CCDC167: variants seen among roughly 807,000 people sequenced by gnomAD.
CCDC167 encodes coiled-coil domain containing 167, also known as coiled-coil domain-containing protein 167.
Under a neutral mutation model 12.7 loss-of-function variants are expected in CCDC167, and 15 were observed. That is an observed-to-expected ratio of 1.18 (90% CI 0.79 to 1.81). CCDC167 has a LOEUF of 1.81. Ranked by LOEUF, CCDC167 falls within the 40% of genes most tolerant of loss-of-function variation. The pLI is 0.00. For synonymous variants in CCDC167, 52 were observed against 49.0 expected (o/e 1.06, Z -0.26); for missense variants, 121 against 120.1 (o/e 1.01, Z -0.03).
intron 1 of CCDC167, among the ~76,000 whole-genome samples, chr6:37,486,549 C>T (rs1761945458): frequency 6.6e-6 from 1 of 152,192 alleles, no homozygotes; most frequent in Non-Finnish European, 1.5e-5. Context: ...GGAGGCCTGG[C>T]AATGACACAC....
Position 37,483,098 on chromosome 6 carries a change from C to G in CCDC167, c.*88G>C, listed in dbSNP as rs765130399. On this transcript the variant is annotated 3_prime_UTR_variant, in exon 4 of 4. Transcript: ENST00000373408. Reference sequence around the variant, plus strand: ...GGTTGGGAGGGGAACACCCCAGCACCTTGGTCCTATTGAGGCTTGAAGTGC... The same window carrying G: ...GGTTGGGAGGGGAACACCCCAGCACGTTGGTCCTATTGAGGCTTGAAGTGC... The G allele has an allele frequency of 7.7e-6, 8 of 1,036,776 alleles. No individual in the cohort carries two copies. The highest frequency in any genetic ancestry group is 5.2e-5 in the Admixed American group (3 of 57,240). 64.2% of individuals were successfully genotyped at this position (1,036,776 alleles called of 1,614,324 possible). A position where few individuals can be genotyped will look rare whatever the true frequency, so the allele number is the denominator to read the frequency against.
chr6:37,485,883 G>T (rs1021296007), intron 1 of CCDC167, among the ~76,000 whole-genome samples: 54 of 152,316 alleles, frequency 3.5e-4, no homozygotes, highest in African/African-American at 1.1e-3. Flanking sequence ...TAAGGTATCT[G>T]TTTTTTCCAT....
intron 1 of CCDC167, among the ~76,000 whole-genome samples, chr6:37,498,303 T>C (rs931649): frequency 0.77 from 117,333 of 152,004 alleles, 46,015 homozygotes; most frequent in Middle Eastern, 0.92. Flanking sequence ...TTGAAGCCAC[T>C]GAGTTTTGGA....
chr6:37,487,482 C>T (rs1192582191), intron 1 of CCDC167, among the ~76,000 whole-genome samples: 1 of 152,230 alleles, frequency 6.6e-6, no homozygotes, highest in South Asian at 2.1e-4. Flanking sequence ...GGAGAAGCAA[C>T]TAGACATGCA....
intron 1 of CCDC167, among the ~76,000 whole-genome samples, chr6:37,494,248 A>G (rs777963597): frequency 3.3e-5 from 5 of 151,904 alleles, no homozygotes; most frequent in Non-Finnish European, 7.4e-5. Flanking sequence ...TATTTTTAGT[A>G]GATGGGGTTT....
intron 1 of CCDC167, among the ~76,000 whole-genome samples, chr6:37,488,504 G>C (rs1431605729): frequency 1.3e-5 from 2 of 152,242 alleles, no homozygotes; most frequent in African/African-American, 4.8e-5. Flanking sequence ...GACCAGGAGA[G>C]AAGATGTGGG....
At chr6:37,488,320 G>A (rs142000698) in intron 1 of CCDC167, among the ~76,000 whole-genome samples, 27 of 152,322 alleles carry the variant, frequency 1.8e-4, no homozygotes, top group African/African-American at 6.5e-4. Context: ...AAAGGTGGGA[G>A]AGGACCCAGA....
At chr6:37,491,627 G>A (rs1317674399) in intron 1 of CCDC167, among the ~76,000 whole-genome samples, 2 of 152,170 alleles carry the variant, frequency 1.3e-5, no homozygotes, top group African/African-American at 2.4e-5. Flanking sequence ...GCCGAGCCAA[G>A]TCACAGAGTC....
At chr6:37,495,543 C>G (rs1402206220) in intron 1 of CCDC167, among the ~76,000 whole-genome samples, 1 of 152,174 alleles carries the variant, frequency 6.6e-6, no homozygotes, top group Non-Finnish European at 1.5e-5. Context: ...ATCTCAGAAG[C>G]TAAAACTCAC....
At chr6:37,491,396 C>T (rs570947814) in intron 1 of CCDC167, among the ~76,000 whole-genome samples, 1 of 152,284 alleles carries the variant, frequency 6.6e-6, no homozygotes, top group South Asian at 2.1e-4. Context: ...GCAGAAGGCA[C>T]CCCCGGGGCC....
intron 1 of CCDC167, among the ~76,000 whole-genome samples, chr6:37,494,042 G>A (rs180896159): frequency 3.3e-4 from 49 of 147,872 alleles, no homozygotes; most frequent in South Asian, 8.6e-4. Flanking sequence ...ACTTCTCATG[G>A]TCAGTGATCC....
chr6:37,498,512 T>G (rs1762125472), intron 1 of CCDC167, among the ~76,000 whole-genome samples: 1 of 119,418 alleles, frequency 8.4e-6, no homozygotes, highest in Admixed American at 9.4e-5. Context: ...TGTGTGTGGC[T>G]TGTAAAAAAA....
Position 37,489,001 on chromosome 6 carries a change from A to G in CCDC167, c.43-3807T>C, listed in dbSNP as rs553609800. On this transcript the variant is annotated intron_variant, in intron 1 of 3. Coordinates refer to ENST00000373408, the MANE Select transcript of CCDC167 (RefSeq NM_138493.3). The stretch of plus-strand genomic sequence containing the variant: ...GCCTGTAATTCCAGCACCTTGGGAG[A>G]CCAAGGTGGGCGGATCACGAGGTCA... Among the ~76,000 whole-genome samples, 5 of 151,954 alleles carry G rather than the reference A, an allele frequency of 3.3e-5. No individual in the cohort carries two copies. The South Asian group carries it at 1.0e-3, about 32-fold the overall frequency.
rs138597717 is a variant in CCDC167 at position 37,486,383 on chromosome 6, T to A, written c.43-1189A>T. Among the ~76,000 whole-genome samples, 3 of 152,322 alleles carry A rather than the reference T, an allele frequency of 2.0e-5. No homozygotes were observed. In the East Asian group the frequency reaches 5.8e-4, roughly 29 times the overall value. On this transcript the variant is annotated intron_variant, in intron 1 of 3. Coordinates refer to ENST00000373408, the MANE Select transcript of CCDC167 (RefSeq NM_138493.3). ...TAGTAATCAATGACTGCAGGTAAGA[T>A]CCCTGCCTCCCACAATGGCTGGTTA...
chr6:37,485,068 G>C lies in CCDC167; in HGVS notation c.137+32C>G, dbSNP rs766506446. The C allele has an allele frequency of 3.2e-6, 5 of 1,580,040 alleles. No homozygotes were observed. The East Asian group carries it at 8.9e-5, about 28-fold the overall frequency. On this transcript the variant is annotated intron_variant, in intron 2 of 3. Transcript: ENST00000373408. Reference sequence around the variant, plus strand: ...GATACAGGGGGTGGGGGCCTGATGGGGAAGGGTGGGGTGGCTGGGCAGGAG... The same window carrying C: ...GATACAGGGGGTGGGGGCCTGATGGCGAAGGGTGGGGTGGCTGGGCAGGAG...
chr6:37,497,010 T>C lies in CCDC167; in HGVS notation c.42+2812A>G, dbSNP rs184567515. On this transcript the variant is annotated intron_variant, in intron 1 of 3. Transcript: ENST00000373408. ...GATAAGGTGACAAGATCTCAAGAGA[T>C]GGTGAAGCCACAGAGGAAGGGAATC... 2.7e-4 allele frequency among the ~76,000 whole-genome samples: 41 copies of C among 152,302 alleles called. No individual in the cohort carries two copies. The East Asian group carries it at 7.5e-3, about 28-fold the overall frequency.
At chr6:37,487,290 G>C (rs1042275842) in intron 1 of CCDC167, among the ~76,000 whole-genome samples, 2 of 152,174 alleles carry the variant, frequency 1.3e-5, no homozygotes, top group Non-Finnish European at 2.9e-5. Context: ...GTGACCATCT[G>C]TCTCCTCTTT....
chr6:37,493,765 T>G (rs377494872), intron 1 of CCDC167, among the ~76,000 whole-genome samples: 6 of 152,172 alleles, frequency 3.9e-5, no homozygotes, highest in Non-Finnish European at 8.8e-5. Context: ...GTTCAATGCC[T>G]CCTCCTGCCA....
chr6:37,492,520 C>T (rs530763995), intron 1 of CCDC167, among the ~76,000 whole-genome samples: 1 of 152,336 alleles, frequency 6.6e-6, no homozygotes, highest in Admixed American at 6.5e-5. Context: ...CCCAGATCAC[C>T]TCGACTGTCA....
Sources: gnomAD v4.1 joint callset for allele counts (sites outside exome capture counted in the v4.1 genomes callset) on GRCh38, gnomAD v4.1.1 for gene constraint, MANE v1.5 for transcripts, NCBI Gene and HGNC (gene_info 2026-07-23, HGNC 2026-07-21) for gene names.